Variants in DNAH12 observed in about 807,000 individuals in gnomAD.
DNAH12 encodes dynein axonemal heavy chain 12.
Under a neutral mutation model 371.5 loss-of-function variants are expected in DNAH12, and 285 were observed. The observed-to-expected ratio is 0.77, with a 90% CI of 0.70 to 0.85. The LOEUF (loss-of-function observed/expected upper bound fraction) is 0.85, where lower values mean the gene tolerates loss of function less well. DNAH12 is among the 40% of genes least tolerant of loss of function. DNAH12 has a pLI of 0.00. For synonymous variants in DNAH12, 1,200 were observed against 1,213.0 expected, an observed-to-expected ratio of 0.99 and a Z score of 0.22; for missense variants, 3,611 against 3,689.4, an observed-to-expected ratio of 0.98 and a Z score of 0.55.
intron 55 of DNAH12, among the ~76,000 whole-genome samples, chr3:57,374,173 C>G (rs1217737114): frequency 6.6e-6 from 1 of 152,182 alleles, no homozygotes; most frequent in Non-Finnish European, 1.5e-5. Context: ...GACTCTATCA[C>G]TTATTCACTA....
chr3:57,520,144 C>T (rs1201644665), intron 4 of DNAH12: 2 of 419,264 alleles, frequency 4.8e-6, no homozygotes, highest in African/African-American at 4.1e-5. Context: ...CGGAGTTTCG[C>T]TCTTGTCGCC....
At chr3:57,350,716 TAG>T (rs1463944531) in intron 60 of DNAH12, among the ~76,000 whole-genome samples, 1 of 152,086 alleles carries the variant, frequency 6.6e-6, no homozygotes, top group African/African-American at 2.4e-5. Flanking sequence ...AAAAGCAAAC[TAG>T]AGAGTGAGTG....
At chr3:57,502,248 A>G in intron 10 of DNAH12, 75 bp downstream of exon 10, 1 of 1,573,962 alleles carries the variant, frequency 6.4e-7, no homozygotes, top group Non-Finnish European at 8.7e-7. Context: ...AGCCCCAGAC[A>G]AACAAACATC....
intron 2 of DNAH12, among the ~76,000 whole-genome samples, chr3:57,537,453 G>C (rs529631550): frequency 1.3e-5 from 2 of 151,910 alleles, no homozygotes; most frequent in South Asian, 4.2e-4. Context: ...TCCTAGTAGG[G>C]GGTCCACTTC....
intron 59 of DNAH12, among the ~76,000 whole-genome samples, chr3:57,354,550 G>A (rs1432695443): frequency 0.66 from 90,463 of 136,516 alleles, 29,258 homozygotes; most frequent in Non-Finnish European, 0.74. Flanking sequence ...AAAAAAAAAA[G>A]AAAAAAAAAA....
intron 12 of DNAH12, among the ~76,000 whole-genome samples, chr3:57,484,316 A>G (rs1164491205): frequency 6.6e-6 from 1 of 152,204 alleles, no homozygotes; most frequent in Non-Finnish European, 1.5e-5. Context: ...TTCTCTTAGA[A>G]TATCCCATGT....
At chr3:57,310,601 A>G in intron 67 of DNAH12, 116 bp downstream of exon 67, 1 of 730,136 alleles carries the variant, frequency 1.4e-6, no homozygotes, top group South Asian at 2.2e-5. Context: ...AGATTATTAA[A>G]AGTTGATTAA....
chr3:57,361,483 C>T (rs1044852427), intron 58 of DNAH12, among the ~76,000 whole-genome samples: 3 of 122,338 alleles, frequency 2.5e-5, no homozygotes, highest in East Asian at 6.0e-4. Flanking sequence ...TCATTCAGCT[C>T]TGTTAGGTGA....
chr3:57,495,451 C>T (rs1406465554), intron 11 of DNAH12, among the ~76,000 whole-genome samples: 1 of 150,164 alleles, frequency 6.7e-6, no homozygotes, highest in Non-Finnish European at 1.5e-5. Context: ...ATCCCAGCTA[C>T]TAGGGAGGCT....
At chr3:57,526,327 A>AT (rs777075762) in intron 2 of DNAH12, among the ~76,000 whole-genome samples, 20 of 151,922 alleles carry the variant, frequency 1.3e-4, no homozygotes, top group Non-Finnish European at 2.4e-4. Flanking sequence ...ATAGGTTCTC[A>AT]TTCTTTTTTT....
At chr3:57,524,624 C>A (rs1382320211) in intron 2 of DNAH12, among the ~76,000 whole-genome samples, 1 of 151,814 alleles carries the variant, frequency 6.6e-6, no homozygotes, top group South Asian at 2.1e-4. Context: ...CATATAGGTA[C>A]CCTGTGGTTC....
chr3:57,431,470 A>T (rs1349343328), intron 32 of DNAH12, among the ~76,000 whole-genome samples: 1 of 152,196 alleles, frequency 6.6e-6, no homozygotes, highest in Non-Finnish European at 1.5e-5. Flanking sequence ...CATGTATCTC[A>T]GTCTCTGCCC....
intron 69 of DNAH12, among the ~76,000 whole-genome samples, chr3:57,308,320 C>A (rs2061514593): frequency 6.6e-6 from 1 of 152,152 alleles, no homozygotes; most frequent in Non-Finnish European, 1.5e-5. Context: ...CAAGCAGTTC[C>A]TCAGGCTCTT....
rs2062989389 is a variant in DNAH12 at position 57,363,793 on chromosome 3, A to C, written c.9168-7T>G. ...TTCCTCTTCTAATTCTGGTCTAAAA[A>C]GATAGAAACATTTAGTCCAAATTTG... On this transcript the variant is annotated splice_region_variant and splice_polypyrimidine_tract_variant and intron_variant, in intron 57 of 73. Coordinates refer to ENST00000495027, the MANE Select transcript of DNAH12 (RefSeq NM_001366028.2). 6.6e-6 allele frequency: 1 copy of C among 152,190 alleles called. No homozygotes were observed. The highest frequency in any genetic ancestry group is 2.4e-5 in the African/African-American group (1 of 41,464). The allele number at this position is 152,190 out of a possible 1,614,324, so 9.4% of individuals were successfully genotyped here.
chr3:57,426,439 T>C (rs1424241410), intron 34 of DNAH12, among the ~76,000 whole-genome samples: 1 of 151,978 alleles, frequency 6.6e-6, no homozygotes, highest in African/African-American at 2.4e-5. Flanking sequence ...ATGGTCAGAA[T>C]TGAGATACTA....
intron 30 of DNAH12, among the ~76,000 whole-genome samples, chr3:57,435,749 G>A (rs2065103504): frequency 6.6e-6 from 1 of 151,976 alleles, no homozygotes; most frequent in African/African-American, 2.4e-5. Flanking sequence ...TTGAGCCCTG[G>A]AGTTTGAGAC....
chr3:57,519,873 C>T, intron 4 of DNAH12: 1 of 956,006 alleles, frequency 1.0e-6, no homozygotes, highest in South Asian at 1.3e-5. Flanking sequence ...ACATATCTCA[C>T]TCCACGGCCC....
intron 62 of DNAH12, among the ~76,000 whole-genome samples, chr3:57,329,719 A>C (rs10433625): frequency 0.2 from 28,631 of 144,082 alleles, 2,887 homozygotes; most frequent in South Asian, 0.35. Flanking sequence ...AATGGGATCT[A>C]ATTAAACTAA....
chr3:57,314,540 T>C lies in DNAH12; in HGVS notation c.10616A>G (p.Tyr3539Cys). The change falls in exon 66 of 74, where the codon TAT (tyrosine) becomes TGT (cysteine). Residue 3539 changes from tyrosine (Y) to cysteine (C), a missense_variant. Transcript: ENST00000495027. Reference protein sequence around the residue: ...KFGPLGWNIPYGFNESDLRIS... With the variant: ...KFGPLGWNIPCGFNESDLRIS... The stretch of plus-strand genomic sequence containing the variant: ...GCGCAAGTCAGATTCATTAAATCCA[T>C]ATGGAATATTCCAACCAAGAGGACC... 1.9e-6 allele frequency: 3 copies of C among 1,551,274 alleles called. No homozygotes were observed.
Sources: allele counts gnomAD v4.1 joint callset (sites outside exome capture counted in the v4.1 genomes callset), GRCh38; gene constraint gnomAD v4.1.1; transcripts MANE v1.5; gene names NCBI Gene and HGNC (gene_info 2026-07-23, HGNC 2026-07-21).